The following SEMA5A variants were observed in gnomAD, a reference collection of about 807,000 sequenced individuals.
The protein encoded by SEMA5A is semaphorin 5A, also known as semaphorin-5A.
A neutral mutation model predicts 135.5 loss-of-function variants in SEMA5A; 55 were observed. The ratio of observed to expected loss-of-function variants is 0.41; its 90% confidence interval spans 0.33 to 0.51. The LOEUF (loss-of-function observed/expected upper bound fraction) is 0.51, where lower values mean the gene tolerates loss of function less well. Among genes scored for constraint, SEMA5A ranks in the 20% least tolerant of loss-of-function variants. The probability of loss-of-function intolerance (pLI) is 0.37; values close to 1 mark genes in which losing one functional copy is unlikely to be tolerated. For synonymous variants in SEMA5A, 580 were observed against 546.5 expected (o/e 1.06, Z -0.85); for missense variants, 1,290 against 1,419.9 (o/e 0.91, Z 1.47).
rs111822474 is a variant in SEMA5A, at chr5:9,117,188, G to A, written c.1925+1810C>T. On this transcript the variant is annotated intron_variant, in intron 15 of 22. Coordinates refer to ENST00000382496, the MANE Select transcript of SEMA5A (RefSeq NM_003966.3). Reference sequence around the variant, plus strand: ...CGCTGTATCTTTTCCTGAAGACACCGCTGTATGAAAAATCCTATGTGGATG... The same window carrying A: ...CGCTGTATCTTTTCCTGAAGACACCACTGTATGAAAAATCCTATGTGGATG... 1.4e-3 allele frequency among the ~76,000 whole-genome samples: 213 copies of A among 152,234 alleles called. 2 individuals are homozygous for A. The highest frequency in any genetic ancestry group is 1.8e-4 in the Non-Finnish European group (12 of 68,022).
chr5:9,243,298 T>C (rs1748306242), intron 5 of SEMA5A, among the ~76,000 whole-genome samples: 1 of 152,188 alleles, frequency 6.6e-6, no homozygotes, highest in Non-Finnish European at 1.5e-5. Context: ...CACTGGAACC[T>C]CTGCCTCACT....
chr5:9,273,914 T>C (rs1441475208), intron 5 of SEMA5A, among the ~76,000 whole-genome samples: 2 of 152,104 alleles, frequency 1.3e-5, no homozygotes, highest in Non-Finnish European at 2.9e-5. Context: ...ATTGATGCTA[T>C]GAAGAAACGG....
intron 2 of SEMA5A, among the ~76,000 whole-genome samples, chr5:9,425,267 G>T (rs1433032705): frequency 1.3e-5 from 2 of 152,106 alleles, no homozygotes; most frequent in Non-Finnish European, 2.9e-5. Context: ...ATTGCTTATG[G>T]TCTAACTCTT....
intron 8 of SEMA5A, 131 bp from the exon 9 acceptor site, chr5:9,202,371 G>A: frequency 1.4e-6 from 1 of 730,224 alleles, no homozygotes; most frequent in Non-Finnish European, 2.0e-6. Flanking sequence ...AGGACTATTG[G>A]GAGGCCCCGT....
intron 1 of SEMA5A, among the ~76,000 whole-genome samples, chr5:9,499,132 G>C (rs1233462433): frequency 6.6e-6 from 1 of 152,198 alleles, no homozygotes; most frequent in Non-Finnish European, 1.5e-5. Flanking sequence ...GAACAAGGGA[G>C]ATGAGAGAAG....
chr5:9,130,891 A>C (rs138176658), intron 13 of SEMA5A, among the ~76,000 whole-genome samples: 1 of 152,170 alleles, frequency 6.6e-6, no homozygotes, highest in African/African-American at 2.4e-5. Flanking sequence ...TTTCTTTCCC[A>C]GTGCAGTTTT....
intron 5 of SEMA5A, among the ~76,000 whole-genome samples, chr5:9,277,813 G>T (rs1431180071): frequency 6.6e-6 from 1 of 151,932 alleles, no homozygotes; most frequent in Non-Finnish European, 1.5e-5. Context: ...TGTCAGGGGG[G>T]TGCGGGGCTA....
At chr5:9,100,288 C>T (rs549291942) in intron 16 of SEMA5A, among the ~76,000 whole-genome samples, 1 of 151,008 alleles carries the variant, frequency 6.6e-6, no homozygotes, top group Non-Finnish European at 1.5e-5. Flanking sequence ...CTTTTGGGGC[C>T]GCACAGCCCC....
chr5:9,384,647 G>GAT (rs1491269337), intron 2 of SEMA5A, among the ~76,000 whole-genome samples: 2,052 of 69,256 alleles, frequency 0.03, 115 homozygotes, highest in Middle Eastern at 0.052. Flanking sequence ...TAGATAGATA[G>GAT]ATAGATAGAT....
At chr5:9,143,151 G>T (rs1030266802) in intron 12 of SEMA5A, among the ~76,000 whole-genome samples, 1 of 152,122 alleles carries the variant, frequency 6.6e-6, no homozygotes, top group Non-Finnish European at 1.5e-5. Context: ...GTTATATCGT[G>T]CTAGACAGTA....
In SEMA5A at chr5:9,136,625, GAA is replaced by G. The variant is rs780574322; in HGVS notation, c.1482-6_1482-5del. The G allele has an allele frequency of 6.2e-7, 1 of 1,610,354 alleles. No individual in the cohort carries two copies. The highest frequency in any genetic ancestry group is 8.5e-7 in the Non-Finnish European group (1 of 1,176,614). ...GTCCTGGGCCCCAATGCAGGTGCTG[GAA>G]ACACACACCAAATGGTCAACAGAAA... On this transcript the variant is annotated splice_region_variant and splice_polypyrimidine_tract_variant and intron_variant, in intron 12 of 22. Transcript: ENST00000382496.
At chr5:9,168,763 C>T (rs1185693931) in intron 11 of SEMA5A, among the ~76,000 whole-genome samples, 1 of 152,138 alleles carries the variant, frequency 6.6e-6, no homozygotes, top group Non-Finnish European at 1.5e-5. Flanking sequence ...TCTGACAGCA[C>T]CCAGCTTACA....
Position 9,333,403 on chromosome 5 carries a change from A to T in SEMA5A, c.224+4310T>A, listed in dbSNP as rs201925635. Among the ~76,000 whole-genome samples, 6 of 152,318 alleles carry T rather than the reference A, an allele frequency of 3.9e-5. No homozygotes were observed. In the East Asian group the frequency reaches 1.2e-3, roughly 29 times the overall value. The stretch of plus-strand genomic sequence containing the variant: ...GTCAACCAAGTTAGTTGGCATTTGG[A>T]ATAATACTTGGATTCAGCACAGAAT... On this transcript the variant is annotated intron_variant, in intron 4 of 22. Transcript: ENST00000382496.
rs1260397728 is a variant in SEMA5A at position 9,042,584 on chromosome 5, A to G, written c.*313T>C. ...AAGTTCTAAAGAAAGACTCCTTCCA[A>G]TGTGGGTGGCACATTTATAAAATAA... On this transcript the variant is annotated 3_prime_UTR_variant, in exon 23 of 23. Transcript: ENST00000382496. The G allele has an allele frequency of 6.3e-6, 2 of 315,086 alleles. No homozygotes were observed. The highest frequency in any genetic ancestry group is 4.5e-5 in the African/African-American group (2 of 44,848). 19.5% of individuals were successfully genotyped at this position (315,086 alleles called of 1,614,324 possible).
intron 20 of SEMA5A, 42 bp downstream of exon 20, chr5:9,051,831 G>C: frequency 1.9e-6 from 3 of 1,611,280 alleles, no homozygotes; most frequent in Non-Finnish European, 2.5e-6. Context: ...TCTCCATGTT[G>C]GAAATGATTT....
chr5:9,452,539 G>A (rs373023303), intron 1 of SEMA5A, among the ~76,000 whole-genome samples: 82 of 152,286 alleles, frequency 5.4e-4, no homozygotes, highest in African/African-American at 1.9e-3. Context: ...AAACAGGGTG[G>A]CATTCTGCTT....
intron 5 of SEMA5A, among the ~76,000 whole-genome samples, chr5:9,305,728 T>TATATATGTATATATATATATATA (rs1287444762): frequency 5.3e-4 from 50 of 95,028 alleles, no homozygotes; most frequent in African/African-American, 1.9e-3. Flanking sequence ...ATATATATAT[T>TATATATGTATATATATATATATA]TACACGCACA....
intron 3 of SEMA5A, among the ~76,000 whole-genome samples, chr5:9,355,350 T>C (rs945425283): frequency 2.0e-5 from 3 of 152,170 alleles, no homozygotes; most frequent in Non-Finnish European, 2.9e-5. Context: ...GGGAATGGTC[T>C]GCAGAGGATG....
chr5:9,278,003 T>C (rs1183636819), intron 5 of SEMA5A, among the ~76,000 whole-genome samples: 1 of 151,844 alleles, frequency 6.6e-6, no homozygotes, highest in Non-Finnish European at 1.5e-5. Flanking sequence ...GACTTATCAA[T>C]AGACCCAGAA....
Sources: gnomAD v4.1 joint callset for allele counts (sites outside exome capture counted in the v4.1 genomes callset) on GRCh38, gnomAD v4.1.1 for gene constraint, MANE v1.5 for transcripts, NCBI Gene and HGNC (gene_info 2026-07-23, HGNC 2026-07-21) for gene names.